C12orf42: variants seen among roughly 807,000 people sequenced by gnomAD.
C12orf42 encodes the protein uncharacterized protein C12orf42.
A neutral mutation model predicts 21.6 loss-of-function variants in C12orf42; 25 were observed. That is an observed-to-expected ratio of 1.16 (90% CI 0.84 to 1.62). The LOEUF is 1.62. C12orf42 is among the 40% of genes most tolerant of loss of function. The pLI, the probability that C12orf42 is intolerant of heterozygous loss-of-function variation, is 0.00. For synonymous variants in C12orf42, 174 were observed against 175.0 expected, an observed-to-expected ratio of 0.99 and a Z score of 0.05; for missense variants, 483 against 459.3, an observed-to-expected ratio of 1.05 and a Z score of -0.47.
At chr12:103,080,479 C>T in the C12orf42 span, among the ~76,000 whole-genome samples, 1 of 152,160 alleles carries the variant, frequency 6.6e-6, no homozygotes, top group Admixed American at 6.5e-5. Flanking sequence ...AAATAGCATG[C>T]ACTTTTCTTG....
At chr12:103,387,444 T>C (rs1490170244) in intron 3 of C12orf42, among the ~76,000 whole-genome samples, 2 of 152,210 alleles carry the variant, frequency 1.3e-5, no homozygotes, top group Non-Finnish European at 2.9e-5. Flanking sequence ...TTTACAACCA[T>C]CGAACTGCCA....
chr12:103,255,171 G>A (rs1255176833), intron 10 of C12orf42, among the ~76,000 whole-genome samples: 2 of 151,980 alleles, frequency 1.3e-5, no homozygotes, highest in Non-Finnish European at 2.9e-5. Flanking sequence ...AAGAGATTGA[G>A]ACCATCCTGG....
chr12:103,245,723 G>A (rs533136045), intron 10 of C12orf42, among the ~76,000 whole-genome samples: 1 of 152,190 alleles, frequency 6.6e-6, no homozygotes, highest in African/African-American at 2.4e-5. Flanking sequence ...AGAAGCCAAT[G>A]TGCAGAAATA....
At chr12:103,078,861 G>A in the C12orf42 span, among the ~76,000 whole-genome samples, 2 of 152,082 alleles carry the variant, frequency 1.3e-5, no homozygotes, top group African/African-American at 4.8e-5. Context: ...TTGTCCAAAG[G>A]GACACCGACA....
At chr12:103,234,880 T>A (rs539204461), downstream of C12orf42, among the ~76,000 whole-genome samples, 1 of 152,274 alleles carries the variant, frequency 6.6e-6, no homozygotes, top group South Asian at 2.1e-4. Context: ...ACTTTCTTTC[T>A]CCTACTGGAT....
At chr12:103,255,364 C>T (rs1373059262) in intron 10 of C12orf42, among the ~76,000 whole-genome samples, 1 of 152,064 alleles carries the variant, frequency 6.6e-6, no homozygotes, top group Non-Finnish European at 1.5e-5. Flanking sequence ...GAGCAACACT[C>T]CGTCTCAACA....
chr12:103,447,114 CA>C (rs1951629926), intron 2 of C12orf42, among the ~76,000 whole-genome samples: 1 of 151,800 alleles, frequency 6.6e-6, no homozygotes, highest in Admixed American at 6.6e-5. Context: ...TGATAGGGCA[CA>C]AAAAAGTCTC....
the C12orf42 span, among the ~76,000 whole-genome samples, chr12:103,179,866 G>T: frequency 4.6e-5 from 7 of 152,152 alleles, no homozygotes; most frequent in Admixed American, 4.6e-4. Context: ...AAATTAGCAG[G>T]ATCAGGAAAA....
chr12:103,169,196 A>C, the C12orf42 span, among the ~76,000 whole-genome samples: 1 of 147,274 alleles, frequency 6.8e-6, no homozygotes, highest in Non-Finnish European at 1.5e-5. Context: ...AAATAAATAA[A>C]TAAAATAAAG....
intron 1 of C12orf42, among the ~76,000 whole-genome samples, chr12:103,484,723 A>C (rs984528977): frequency 3.3e-5 from 5 of 152,092 alleles, no homozygotes; most frequent in Non-Finnish European, 7.4e-5. Context: ...TTAGTCATGA[A>C]GTCCTTCCCC....
At chr12:103,410,124 G>GT (rs2138879226) in intron 2 of C12orf42, among the ~76,000 whole-genome samples, 1 of 152,186 alleles carries the variant, frequency 6.6e-6, no homozygotes. Flanking sequence ...GAATTCTCCC[G>GT]TAACTCTCCT....
chr12:103,183,406 G>A, the C12orf42 span, among the ~76,000 whole-genome samples: 7 of 152,300 alleles, frequency 4.6e-5, no homozygotes, highest in African/African-American at 1.2e-4. Context: ...TAGATGTAGA[G>A]CCTATAGTGA....
chr12:103,055,039 T>C, the C12orf42 span, among the ~76,000 whole-genome samples: 1 of 151,902 alleles, frequency 6.6e-6, no homozygotes, highest in African/African-American at 2.4e-5. Flanking sequence ...TCTTCTTTTG[T>C]ACAGGCTTTT....
intron 4 of C12orf42, among the ~76,000 whole-genome samples, chr12:103,326,626 T>A (rs1648396340): frequency 6.6e-6 from 1 of 152,200 alleles, no homozygotes. Context: ...CTACCCAGGT[T>A]CCATGCTTTT....
chr12:103,187,895 T>A, the C12orf42 span, among the ~76,000 whole-genome samples: 1 of 152,332 alleles, frequency 6.6e-6, no homozygotes, highest in African/African-American at 2.4e-5. Flanking sequence ...AAAAGAGGAT[T>A]TAAGGAGGCT....
chr12:103,528,867 A>T, the C12orf42 span, among the ~76,000 whole-genome samples: 1 of 152,156 alleles, frequency 6.6e-6, no homozygotes, highest in Admixed American at 6.6e-5. Context: ...TCCTCTAATA[A>T]CTGTTTGGGG....
chr12:103,227,954 T>C, the C12orf42 span, among the ~76,000 whole-genome samples: 6 of 152,122 alleles, frequency 3.9e-5, no homozygotes, highest in Non-Finnish European at 8.8e-5. Context: ...AAGAGGCCAC[T>C]TGCCTGATTT....
At chr12:103,246,855 T>C (rs1565992825) in intron 10 of C12orf42, among the ~76,000 whole-genome samples, 1 of 152,054 alleles carries the variant, frequency 6.6e-6, no homozygotes, top group Non-Finnish European at 1.5e-5. Context: ...CTCATTATTG[T>C]AGGTAGAAGG....
At chr12:103,221,181 T>C in the C12orf42 span, among the ~76,000 whole-genome samples, 1 of 152,210 alleles carries the variant, frequency 6.6e-6, no homozygotes, top group South Asian at 2.1e-4. Flanking sequence ...TATAGAACAT[T>C]TCAGAGAGAT....
Sources: gnomAD v4.1 joint callset for allele counts (sites outside exome capture counted in the v4.1 genomes callset) on GRCh38, gnomAD v4.1.1 for gene constraint, MANE v1.5 for transcripts, NCBI Gene and HGNC (gene_info 2026-07-23, HGNC 2026-07-21) for gene names.